Variants in KDR observed in about 807,000 individuals in gnomAD.
KDR encodes kinase insert domain receptor.
A neutral mutation model predicts 160.9 loss-of-function variants in KDR; 43 were observed. That is an observed-to-expected ratio of 0.27 (90% CI 0.21 to 0.34). The LOEUF (loss-of-function observed/expected upper bound fraction) is 0.34, where lower values mean the gene tolerates loss of function less well. KDR is among the 10% of genes least tolerant of loss of function. The pLI is 1.00. For synonymous variants in KDR, 617 were observed against 600.1 expected (o/e 1.03, Z -0.41); for missense variants, 1,469 against 1,666.4 (o/e 0.88, Z 2.06).
chr4:55,082,199 A>G (rs1485182791), intron 28 of KDR, among the ~76,000 whole-genome samples, 158 bp from the exon 29 acceptor site: 1 of 152,238 alleles, frequency 6.6e-6, no homozygotes. Context: ...AAGCTACAAA[A>G]GGAAGCAACT....
chr4:55,113,997 G>T, intron 6 of KDR, 129 bp downstream of exon 6: 1 of 874,006 alleles, frequency 1.1e-6, no homozygotes, highest in Non-Finnish European at 1.9e-6. Context: ...GTGTGAGTGG[G>T]TGTGTATGTG....
chr4:55,123,266 A>T (rs1012123567), intron 1 of KDR, among the ~76,000 whole-genome samples: 10 of 152,224 alleles, frequency 6.6e-5, no homozygotes, highest in African/African-American at 2.4e-4. Context: ...TGAAAACATG[A>T]TGTACAATTC....
rs554221714 is a variant in KDR at position 55,084,863 on chromosome 4, G to A, written c.3663-2228C>T. ...CACTGATCATGCAGTAGCAGGGTCA[G>A]GGGTGTAAGTACGGGGTATGAAACA... On this transcript the variant is annotated intron_variant, in intron 27 of 29. Transcript: ENST00000263923. Among the ~76,000 whole-genome samples the A allele has an allele frequency of 2.6e-5, 4 of 152,322 alleles. No homozygotes were observed. In the South Asian group the frequency reaches 8.3e-4, roughly 32 times the overall value.
intron 20 of KDR, 90 bp from the exon 21 acceptor site, chr4:55,095,045 G>C: frequency 7.8e-7 from 1 of 1,282,266 alleles, no homozygotes; most frequent in Non-Finnish European, 1.1e-6. Context: ...AAACCATGGA[G>C]ATAATTGAAA....
At chr4:55,082,428 C>T in intron 28 of KDR, 108 bp downstream of exon 28, 1 of 824,212 alleles carries the variant, frequency 1.2e-6, no homozygotes, top group Non-Finnish European at 2.1e-6. Flanking sequence ...CACTCGAGGG[C>T]AGCCTTCTAA....
intron 27 of KDR, among the ~76,000 whole-genome samples, chr4:55,086,779 C>A (rs1370545434): frequency 6.6e-6 from 1 of 152,306 alleles, no homozygotes; most frequent in Non-Finnish European, 1.5e-5. Context: ...AAGTTCTGGA[C>A]ATGAGAGAGC....
chr4:55,121,271 T>C, intron 1 of KDR, 81 bp from the exon 2 acceptor site: 1 of 951,506 alleles, frequency 1.1e-6, no homozygotes, highest in South Asian at 1.3e-5. Context: ...CAATGCATAC[T>C]CTATACTTTA....
At chr4:55,100,081 G>A (rs1404916852) in intron 15 of KDR, among the ~76,000 whole-genome samples, 2 of 152,222 alleles carry the variant, frequency 1.3e-5, no homozygotes, top group East Asian at 1.9e-4. Context: ...TAAGGAAGCA[G>A]TCATCACTTG....
chr4:55,089,005 G>T (rs777156750), intron 25 of KDR, 32 bp from the exon 26 acceptor site: 2 of 1,457,912 alleles, frequency 1.4e-6, no homozygotes, highest in East Asian at 2.3e-5. Context: ...TTCATTAAAT[G>T]CCTCTTTCTT....
In KDR at chr4:55,115,720, T is replaced by C. The variant is rs1454956381; in HGVS notation, c.359-309A>G. Among the ~76,000 whole-genome samples, 4 of 152,374 alleles carry C rather than the reference T, an allele frequency of 2.6e-5. No homozygotes were observed. The East Asian group carries it at 5.8e-4, about 22-fold the overall frequency. ...TTTATTGACAAGCAGAATATATTTT[T>C]ATAGATTTCACATTTTAAAAGATTA... On this transcript the variant is annotated intron_variant, in intron 3 of 29. Coordinates refer to ENST00000263923, the MANE Select transcript of KDR (RefSeq NM_002253.4).
At chr4:55,088,826 T>C in intron 26 of KDR, 42 bp downstream of exon 26, 1 of 1,366,670 alleles carries the variant, frequency 7.3e-7, no homozygotes, top group Non-Finnish European at 1.0e-6. Flanking sequence ...CCTTGACATC[T>C]AAGTACTCTT....
At chr4:55,082,929 A>G (rs1449197115) in intron 27 of KDR, among the ~76,000 whole-genome samples, 6 of 152,216 alleles carry the variant, frequency 3.9e-5, no homozygotes, top group African/African-American at 7.2e-5. Flanking sequence ...GGAGTGATCA[A>G]CTGCCTTCTA....
intron 9 of KDR, among the ~76,000 whole-genome samples, chr4:55,109,011 CT>C (rs1203130218): frequency 1.3e-5 from 2 of 152,120 alleles, no homozygotes; most frequent in Non-Finnish European, 1.5e-5. Flanking sequence ...TCCCATCCTA[CT>C]TATACACTTT....
chr4:55,094,260 ATAACT>A (rs1311699121), intron 21 of KDR, among the ~76,000 whole-genome samples: 1 of 152,148 alleles, frequency 6.6e-6, no homozygotes, highest in Non-Finnish European at 1.5e-5. Context: ...CACTGGAAAC[ATAACT>A]TAATAAAGGC....
intron 2 of KDR, among the ~76,000 whole-genome samples, chr4:55,119,186 G>T (rs1458718446): frequency 2.7e-5 from 4 of 150,034 alleles, no homozygotes; most frequent in South Asian, 2.1e-4. Context: ...TTCAGCCTGG[G>T]CAAGAGGGCA....
At chr4:55,090,430 A>C (rs1030553703) in intron 22 of KDR, among the ~76,000 whole-genome samples, 1 of 152,218 alleles carries the variant, frequency 6.6e-6, no homozygotes. Flanking sequence ...TATTCTAAGG[A>C]GGTCCGAGAA....
At chr4:55,106,124 C>G (rs1029211594) in intron 11 of KDR, among the ~76,000 whole-genome samples, 184 bp from the exon 12 acceptor site, 8 of 152,002 alleles carry the variant, frequency 5.3e-5, no homozygotes, top group Non-Finnish European at 4.4e-5. Flanking sequence ...CGCTTGGGAC[C>G]AAAAGTGGTT....
At chr4:55,089,070 AG>A (rs776843892) in intron 25 of KDR, 97 bp from the exon 26 acceptor site, 4 of 843,998 alleles carry the variant, frequency 4.7e-6, no homozygotes, top group Non-Finnish European at 8.0e-6. Flanking sequence ...AGAGCTGACG[AG>A]GTGAGATGCT....
chr4:55,111,082 T>C (rs1307395871), intron 7 of KDR, among the ~76,000 whole-genome samples: 1 of 152,092 alleles, frequency 6.6e-6, no homozygotes, highest in Non-Finnish European at 1.5e-5. Flanking sequence ...GATGCTTGGG[T>C]GCTCCTTCTC....
Sources: gnomAD v4.1 joint callset for allele counts (sites outside exome capture counted in the v4.1 genomes callset) on GRCh38, gnomAD v4.1.1 for gene constraint, MANE v1.5 for transcripts, NCBI Gene and HGNC (gene_info 2026-07-23, HGNC 2026-07-21) for gene names.